Variants in NCK2 observed in about 807,000 individuals in gnomAD.
NCK2 encodes cytoplasmic protein NCK2.
In NCK2, 16 loss-of-function variants were observed where a neutral mutation model predicts 33.9. The observed-to-expected ratio is 0.47, with a 90% CI of 0.32 to 0.72. The LOEUF is 0.72. Among genes scored for constraint, NCK2 ranks in the 30% least tolerant of loss-of-function variants. NCK2 has a pLI of 0.03. For synonymous variants in NCK2, 273 were observed against 239.9 expected, an observed-to-expected ratio of 1.14 and a Z score of -1.27; for missense variants, 418 against 537.3, an observed-to-expected ratio of 0.78 and a Z score of 2.19.
At chr2:105,866,779 G>C (rs1290175948) in intron 3 of NCK2, among the ~76,000 whole-genome samples, 2 of 152,176 alleles carry the variant, frequency 1.3e-5, no homozygotes, top group Non-Finnish European at 2.9e-5. Context: ...GAGAACATCA[G>C]GCTTTTCCCA....
At chr2:105,889,746 G>T (rs1558889967) in intron 4 of NCK2, among the ~76,000 whole-genome samples, 1 of 151,878 alleles carries the variant, frequency 6.6e-6, no homozygotes, top group Non-Finnish European at 1.5e-5. Flanking sequence ...ACCACACCTG[G>T]CTAATTATTT....
intron 2 of NCK2, among the ~76,000 whole-genome samples, chr2:105,823,776 A>T (rs776481366): frequency 6.8e-4 from 103 of 152,138 alleles, no homozygotes; most frequent in Middle Eastern, 3.4e-3. Context: ...TCTCAGAGTC[A>T]CACCTGACCA....
chr2:105,815,964 C>T (rs1236463208), intron 1 of NCK2, among the ~76,000 whole-genome samples: 4 of 152,042 alleles, frequency 2.6e-5, no homozygotes, highest in Admixed American at 2.0e-4. Flanking sequence ...GCTGGCTGTT[C>T]CCCCACACCC....
At chr2:105,809,354 T>A (rs1675206788) in intron 1 of NCK2, among the ~76,000 whole-genome samples, 1 of 152,172 alleles carries the variant, frequency 6.6e-6, no homozygotes, top group Non-Finnish European at 1.5e-5. Context: ...TACACAGCAA[T>A]TTATGCCCTC....
intron 2 of NCK2, among the ~76,000 whole-genome samples, chr2:105,846,925 G>A (rs191164327): frequency 4.6e-5 from 7 of 152,318 alleles, no homozygotes; most frequent in African/African-American, 7.2e-5. Flanking sequence ...CACAAATGTC[G>A]AGTGATGGAT....
intron 1 of NCK2, among the ~76,000 whole-genome samples, chr2:105,755,595 C>T (rs565164198): frequency 2.6e-5 from 4 of 152,286 alleles, no homozygotes; most frequent in East Asian, 1.9e-4. Context: ...CATTTTAGAT[C>T]GTATTAGTTA....
chr2:105,785,994 C>T (rs544158326), intron 1 of NCK2, among the ~76,000 whole-genome samples: 3 of 152,254 alleles, frequency 2.0e-5, no homozygotes, highest in East Asian at 1.9e-4. Flanking sequence ...TTTTCGTAAA[C>T]GTGTGTGTGT....
chr2:105,883,225 G>T (rs1045552229), intron 4 of NCK2, among the ~76,000 whole-genome samples: 5 of 152,314 alleles, frequency 3.3e-5, no homozygotes, highest in Admixed American at 6.5e-5. Context: ...TATCATTCCT[G>T]GCAAGACATC....
chr2:105,871,282 G>A (rs182089139), intron 3 of NCK2, among the ~76,000 whole-genome samples: 2 of 151,988 alleles, frequency 1.3e-5, no homozygotes, highest in African/African-American at 2.4e-5. Context: ...CACAGCCTGC[G>A]GGAGACAGGC....
chr2:105,770,145 A>T (rs1690085616), intron 1 of NCK2, among the ~76,000 whole-genome samples: 1 of 151,242 alleles, frequency 6.6e-6, no homozygotes, highest in Non-Finnish European at 1.5e-5. Flanking sequence ...AAAAAAAAGA[A>T]AAAGGTATAT....
intron 4 of NCK2, among the ~76,000 whole-genome samples, chr2:105,891,560 TTTTTTTTTG>T: frequency 1.8e-4 from 2 of 11,216 alleles, no homozygotes; most frequent in Non-Finnish European, 2.9e-4. Context: ...TTTTTTTTTT[TTTTTTTTTG>T]AGATTTTTCG....
intron 3 of NCK2, among the ~76,000 whole-genome samples, chr2:105,864,401 G>A (rs1424069969): frequency 2.6e-5 from 4 of 152,162 alleles, no homozygotes; most frequent in Non-Finnish European, 4.4e-5. Context: ...GGAACACCTC[G>A]GAGAAGTATT....
In NCK2 at chr2:105,882,055, T is replaced by G. The variant is rs546217272; in HGVS notation, c.948+6T>G. ...TTAGGGACAGCGAGTCCTCGGTAAG[T>G]GCGCTGCGCCCACAGCTCCGGCTGC... On this transcript the variant is annotated splice_donor_region_variant and intron_variant, in intron 4 of 4. Coordinates refer to ENST00000233154, the MANE Select transcript of NCK2 (RefSeq NM_003581.5). The G allele has an allele frequency of 6.7e-7, 1 of 1,492,668 alleles. No individual in the cohort carries two copies. Among genetic ancestry groups the G allele is most frequent in the South Asian group, 1.4e-5 (1 of 70,946 alleles). 92.5% of individuals were successfully genotyped at this position (1,492,668 alleles called of 1,614,324 possible).
At chr2:105,801,749 A>G (rs1260447330) in intron 1 of NCK2, among the ~76,000 whole-genome samples, 2 of 151,844 alleles carry the variant, frequency 1.3e-5, no homozygotes, top group South Asian at 2.1e-4. Flanking sequence ...TAATAATGAG[A>G]GTCATTTTCG....
At position 105,828,488 on chromosome 2, in the gene NCK2, G is replaced by T. The variant is rs143792408; in HGVS notation, c.-17+11875G>T. Among the ~76,000 whole-genome samples, 18 of 152,282 alleles carry T rather than the reference G, an allele frequency of 1.2e-4. No homozygotes were observed. The East Asian group carries it at 3.5e-3, about 29-fold the overall frequency. On this transcript the variant is annotated intron_variant, in intron 2 of 4. Transcript: ENST00000233154. ...ACACTCACCCACCGCAGATCAGTGTGGAGTGCAGAATTTAAGCATGTGATA... is the reference window on the plus strand; with the variant it reads ...ACACTCACCCACCGCAGATCAGTGTTGAGTGCAGAATTTAAGCATGTGATA...
chr2:105,835,409 G>GTATATATATGTA (rs1553458615), intron 2 of NCK2, among the ~76,000 whole-genome samples: 2 of 59,326 alleles, frequency 3.4e-5, no homozygotes, highest in African/African-American at 1.2e-4. Context: ...ATATATACGT[G>GTATATATATGTA]TATATATATA....
chr2:105,845,988 A>G (rs1356188256), intron 2 of NCK2, among the ~76,000 whole-genome samples: 3 of 152,084 alleles, frequency 2.0e-5, no homozygotes, highest in Non-Finnish European at 4.4e-5. Context: ...TGTTGATTCC[A>G]GTGCAGTTAT....
At chr2:105,823,296 C>T (rs754221666) in intron 2 of NCK2, among the ~76,000 whole-genome samples, 1 of 151,786 alleles carries the variant, frequency 6.6e-6, no homozygotes, top group Admixed American at 6.6e-5. Flanking sequence ...CTGAAGGGAA[C>T]ACGTGGAACT....
chr2:105,747,511 A>G (rs1689325417), intron 1 of NCK2, among the ~76,000 whole-genome samples: 1 of 152,290 alleles, frequency 6.6e-6, no homozygotes, highest in South Asian at 2.1e-4. Flanking sequence ...ACTGGGGGAG[A>G]CAGGGCTTGC....
Sources: allele counts gnomAD v4.1 joint callset (sites outside exome capture counted in the v4.1 genomes callset), GRCh38; gene constraint gnomAD v4.1.1; transcripts MANE v1.5; gene names NCBI Gene and HGNC (gene_info 2026-07-23, HGNC 2026-07-21).